The following BTD variants were observed in gnomAD, a reference collection of about 807,000 sequenced individuals.
BTD encodes the protein biotinidase.
In BTD, 13 loss-of-function variants were observed where a neutral mutation model predicts 17.7. The ratio of observed to expected loss-of-function variants is 0.74; its 90% CI spans 0.48 to 1.17. BTD has a LOEUF of 1.17. Among genes scored for constraint, BTD ranks in the 50% most tolerant of loss-of-function variants. The pLI is 0.00. For synonymous variants in BTD, 240 were observed against 245.2 expected (o/e 0.98, Z 0.20); for missense variants, 674 against 650.4 (o/e 1.04, Z -0.39).
At chr3:15,609,295 C>G (rs1360199537) in intron 1 of BTD, among the ~76,000 whole-genome samples, 3 of 152,240 alleles carry the variant, frequency 2.0e-5, no homozygotes, top group Non-Finnish European at 2.9e-5. Flanking sequence ...CCCCGTGTGT[C>G]CTTTCCCCAT....
In BTD at chr3:15,647,747, T is replaced by A. The variant is rs2065727991; in HGVS notation, c.*2259T>A. 1.3e-5 allele frequency: 2 copies of A among 152,172 alleles called. No homozygotes were observed. Among genetic ancestry groups the A allele is most frequent in the African/African-American group, 4.8e-5 (2 of 41,436 alleles). 9.4% of individuals were successfully genotyped at this position (152,172 alleles called of 1,614,324 possible). A position where few individuals can be genotyped will look rare whatever the true frequency, so the allele number is the denominator to read the frequency against. ...ACATGGAGACAGGAAATCAAATGCA[T>A]TTTTGGCTAAACCAGACTTGGGGGA... On this transcript the variant is annotated 3_prime_UTR_variant, in exon 4 of 4. Transcript: ENST00000643237.
At chr3:15,705,981 A>T (rs1476696958) in intron 3 of BTD, among the ~76,000 whole-genome samples, 1 of 152,152 alleles carries the variant, frequency 6.6e-6, no homozygotes, top group Non-Finnish European at 1.5e-5. Context: ...ACCCTGGGCG[A>T]CAAAGCAAGA....
chr3:15,701,575 C>T (rs575755870), intron 3 of BTD, among the ~76,000 whole-genome samples: 38 of 151,996 alleles, frequency 2.5e-4, no homozygotes, highest in South Asian at 6.2e-4. Context: ...ACCCAGGAGG[C>T]GGAGGTTGCA....
intron 3 of BTD, among the ~76,000 whole-genome samples, chr3:15,663,594 T>G (rs2065947612): frequency 6.6e-6 from 1 of 152,228 alleles, no homozygotes; most frequent in African/African-American, 2.4e-5. Context: ...TTATCAAATT[T>G]GTTGGCATGA....
intron 3 of BTD, among the ~76,000 whole-genome samples, chr3:15,689,271 A>C (rs1041688573): frequency 1.1e-4 from 16 of 152,282 alleles, no homozygotes; most frequent in African/African-American, 3.4e-4. Context: ...AACCTTCAAA[A>C]CAACACAGGC....
intron 1 of BTD, among the ~76,000 whole-genome samples, chr3:15,623,959 A>T (rs2065011420): frequency 6.6e-6 from 1 of 152,198 alleles, no homozygotes; most frequent in Non-Finnish European, 1.5e-5. Context: ...TCTTTATAGC[A>T]GTGTGAGAAT....
chr3:15,716,607 A>G (rs887305131), downstream of BTD, among the ~76,000 whole-genome samples: 1 of 152,110 alleles, frequency 6.6e-6, no homozygotes, highest in Non-Finnish European at 1.5e-5. Flanking sequence ...TTTTACAGAC[A>G]TAAGGAAAAA....
At chr3:15,665,536 C>CA (rs1334128250) in intron 3 of BTD, among the ~76,000 whole-genome samples, 1 of 152,098 alleles carries the variant, frequency 6.6e-6, no homozygotes, top group Non-Finnish European at 1.5e-5. Context: ...AAGGGTACCA[C>CA]AAAAAGAGAA....
chr3:15,636,071 C>T (rs560720389), intron 2 of BTD, among the ~76,000 whole-genome samples: 5 of 152,248 alleles, frequency 3.3e-5, no homozygotes, highest in East Asian at 1.9e-4. Flanking sequence ...TATGGCTGCC[C>T]GGGTCCTGGA....
Position 15,601,912 on chromosome 3 carries a change from T to C in BTD, c.-17+18T>C. On this transcript the variant is annotated intron_variant, in intron 1 of 3. Coordinates refer to ENST00000643237, the MANE Select transcript of BTD (RefSeq NM_001370658.1). ...AAGAGCAGGTACGGAGGGGGCGTGG[T>C]GCGGCGCGGAGGGGGTGTGGTAAGG... 1.2e-6 allele frequency: 2 copies of C among 1,613,080 alleles called. No individual in the cohort carries two copies. Among genetic ancestry groups the C allele is most frequent in the East Asian group, 2.2e-5 (1 of 44,874 alleles).
downstream of BTD, among the ~76,000 whole-genome samples, chr3:15,656,357 G>A (rs371894509): frequency 2.2e-3 from 335 of 152,078 alleles, 1 homozygote; most frequent in African/African-American, 7.6e-3. Flanking sequence ...TGTACCTCAC[G>A]TCCCCTTCCC....
At chr3:15,605,054 CAA>C (rs1327594381) in intron 1 of BTD, among the ~76,000 whole-genome samples, 1 of 152,218 alleles carries the variant, frequency 6.6e-6, no homozygotes, top group Non-Finnish European at 1.5e-5. Flanking sequence ...TACCCAGTTC[CAA>C]AGTTATTTCC....
rs900821404 is a variant in BTD, at chr3:15,652,280, A to G, written c.*6792A>G. Among the ~76,000 whole-genome samples the G allele has an allele frequency of 6.6e-6, 1 of 152,134 alleles. No homozygotes were observed. Among genetic ancestry groups the G allele is most frequent in the African/African-American group, 2.4e-5 (1 of 41,424 alleles). On this transcript the variant is annotated 3_prime_UTR_variant, in exon 4 of 4. Transcript: ENST00000643237. ...GGCGGAGGTTACAATGAGCTGAGATAGCACCACTGCACTCCAGTCTGGGCA... is the reference window on the plus strand; with the variant it reads ...GGCGGAGGTTACAATGAGCTGAGATGGCACCACTGCACTCCAGTCTGGGCA...
At chr3:15,713,382 CTT>C, downstream of BTD, 1 of 599,696 alleles carries the variant, frequency 1.7e-6, no homozygotes, top group South Asian at 2.2e-5. Flanking sequence ...TAACCTACCA[CTT>C]TGTCAATACA....
intron 3 of BTD, among the ~76,000 whole-genome samples, chr3:15,699,936 G>C (rs143728671): frequency 6.6e-6 from 1 of 152,096 alleles, no homozygotes; most frequent in South Asian, 2.1e-4. Flanking sequence ...ACATGCACAC[G>C]TATGTTTACT....
intron 3 of BTD, among the ~76,000 whole-genome samples, chr3:15,709,274 G>A (rs954613200): frequency 2.0e-5 from 3 of 152,108 alleles, no homozygotes; most frequent in Non-Finnish European, 4.4e-5. Context: ...CAAGATATGG[G>A]CAGTAGAATC....
Position 15,646,189 on chromosome 3 carries a change from G to A in BTD, c.*701G>A, listed in dbSNP as rs995375706. ...TGCAACGCTTCGGGGTGAAGGGCGG[G>A]TGGGGACTGGAAATGTTGAGACGGG... is the stretch of plus-strand genomic sequence containing the variant. On this transcript the variant is annotated 3_prime_UTR_variant, in exon 4 of 4. Transcript: ENST00000643237. The A allele has an allele frequency of 6.6e-6, 1 of 152,216 alleles. No individual in the cohort carries two copies. Among genetic ancestry groups the A allele is most frequent in the African/African-American group, 2.4e-5 (1 of 41,422 alleles). The allele number at this position is 152,216 out of a possible 1,614,324, so 9.4% of individuals were successfully genotyped here. A position where few individuals can be genotyped will look rare whatever the true frequency, so the allele number is the denominator to read the frequency against.
downstream of BTD, chr3:15,714,554 A>C: frequency 6.5e-7 from 1 of 1,538,670 alleles, no homozygotes; most frequent in South Asian, 1.3e-5. Context: ...AAAACCCCAA[A>C]AAAAAAACAG....
intron 1 of BTD, among the ~76,000 whole-genome samples, chr3:15,619,143 C>G (rs1460343006): frequency 6.6e-6 from 1 of 152,154 alleles, no homozygotes; most frequent in African/African-American, 2.4e-5. Context: ...TATAAAGTCT[C>G]TAGTTTCTCA....
Sources: gnomAD v4.1 joint callset for allele counts (sites outside exome capture counted in the v4.1 genomes callset) on GRCh38, gnomAD v4.1.1 for gene constraint, MANE v1.5 for transcripts, NCBI Gene and HGNC (gene_info 2026-07-23, HGNC 2026-07-21) for gene names.